CCSER1: variants seen among roughly 807,000 people sequenced by gnomAD.
The protein encoded by CCSER1 is serine-rich coiled-coil domain-containing protein 1.
A neutral mutation model predicts 82.0 loss-of-function variants in CCSER1; 41 were observed. The ratio of observed to expected loss-of-function variants is 0.50; its 90% CI spans 0.39 to 0.65. The LOEUF is 0.65. Among genes scored for constraint, CCSER1 ranks in the 30% least tolerant of loss-of-function variants. The pLI, the probability that CCSER1 is intolerant of heterozygous loss-of-function variation, is 0.00. For missense variants in CCSER1, 1,119 were observed against 1,064.2 expected, an observed-to-expected ratio of 1.05 and a Z score of -0.72; for synonymous variants, 414 against 383.9, an observed-to-expected ratio of 1.08 and a Z score of -0.92.
chr4:90,238,569 G>A (rs1481442486), intron 1 of CCSER1, among the ~76,000 whole-genome samples: 1 of 152,056 alleles, frequency 6.6e-6, no homozygotes, highest in Non-Finnish European at 1.5e-5. Flanking sequence ...CTACTGTCAG[G>A]TGATACTGCC....
At chr4:90,444,340 G>A (rs1287525761) in intron 4 of CCSER1, among the ~76,000 whole-genome samples, 4 of 151,988 alleles carry the variant, frequency 2.6e-5, no homozygotes, top group Admixed American at 6.6e-5. Flanking sequence ...AGATAAGTAA[G>A]GGGGAAGCTA....
intron 7 of CCSER1, among the ~76,000 whole-genome samples, chr4:90,812,459 A>T (rs1758477599): frequency 6.6e-6 from 1 of 152,230 alleles, no homozygotes; most frequent in Admixed American, 6.5e-5. Context: ...TTGGGTGTAC[A>T]TGCAGAGTGA....
chr4:91,072,211 A>G (rs954705697), intron 9 of CCSER1, among the ~76,000 whole-genome samples: 2 of 152,152 alleles, frequency 1.3e-5, no homozygotes, highest in African/African-American at 4.8e-5. Flanking sequence ...CTAGTTTAAT[A>G]TTTTAGTTAG....
intron 10 of CCSER1, among the ~76,000 whole-genome samples, chr4:91,446,210 C>CA (rs1755543928): frequency 1.3e-5 from 2 of 151,812 alleles, no homozygotes; most frequent in African/African-American, 2.4e-5. Flanking sequence ...ATTCCTCATA[C>CA]TTTTTTGCCA....
intron 1 of CCSER1, among the ~76,000 whole-genome samples, chr4:90,240,842 T>C (rs1746699150): frequency 6.6e-6 from 1 of 152,206 alleles, no homozygotes; most frequent in Middle Eastern, 3.2e-3. Context: ...ATCTTAGGCC[T>C]GTGCTTATTT....
chr4:91,399,513 A>G (rs1752194342), intron 10 of CCSER1, among the ~76,000 whole-genome samples: 1 of 152,096 alleles, frequency 6.6e-6, no homozygotes, highest in East Asian at 1.9e-4. Context: ...CAATTCCTCT[A>G]ACCACTGAAC....
intron 9 of CCSER1, among the ~76,000 whole-genome samples, chr4:91,034,987 G>A (rs1012396873): frequency 9.2e-5 from 14 of 152,100 alleles, no homozygotes; most frequent in African/African-American, 3.4e-4. Flanking sequence ...ACACATGTAT[G>A]TGCATGCATT....
chr4:90,839,102 A>T, intron 8 of CCSER1: 2 of 1,214,574 alleles, frequency 1.6e-6, no homozygotes, highest in Non-Finnish European at 1.2e-6. Flanking sequence ...CGCAGTGGCC[A>T]CCACCGAGTT....
chr4:91,081,855 A>T (rs559086473), intron 9 of CCSER1, among the ~76,000 whole-genome samples: 93 of 152,302 alleles, frequency 6.1e-4, no homozygotes, highest in Non-Finnish European at 1.2e-3. Flanking sequence ...CCAACTTACA[A>T]GGGACGTGAA....
At chr4:91,065,517 A>T (rs1415687232) in intron 9 of CCSER1, among the ~76,000 whole-genome samples, 1 of 152,172 alleles carries the variant, frequency 6.6e-6, no homozygotes, top group East Asian at 1.9e-4. Context: ...ATCAAAAAAA[A>T]TCCCATTGGA....
chr4:91,463,519 C>G (rs1396824644), intron 10 of CCSER1, among the ~76,000 whole-genome samples: 1 of 152,168 alleles, frequency 6.6e-6, no homozygotes, highest in Non-Finnish European at 1.5e-5. Context: ...ATGACTTTGA[C>G]GAGTTGAGAG....
chr4:91,121,122 C>CT lies in CCSER1; in HGVS notation c.2217+35139dup, dbSNP rs33964627. On this transcript the variant is annotated intron_variant, in intron 10 of 10. Transcript: ENST00000509176. ...TGTTACATAAACTGTTTGCTGACAT[C>CT]TTTTTTTTTTTCTCATGTGGGGATT... 4.1e-3 allele frequency among the ~76,000 whole-genome samples: 613 copies of CT among 148,562 alleles called. 5 individuals are homozygous for CT. The highest frequency in any genetic ancestry group is 0.014 in the African/African-American group (564 of 40,700).
intron 7 of CCSER1, among the ~76,000 whole-genome samples, chr4:90,791,664 C>T (rs1302768173): frequency 1.3e-5 from 2 of 152,060 alleles, no homozygotes; most frequent in African/African-American, 4.8e-5. Context: ...TCCTGGCTAA[C>T]ACAGTGAAAC....
intron 5 of CCSER1, among the ~76,000 whole-genome samples, chr4:90,604,608 A>G (rs1784401288): frequency 6.6e-6 from 1 of 152,206 alleles, no homozygotes; most frequent in Non-Finnish European, 1.5e-5. Context: ...TCCGGGATCC[A>G]CTAGGCAAAG....
At chr4:90,448,162 G>C (rs1036061678) in intron 4 of CCSER1, among the ~76,000 whole-genome samples, 2 of 151,770 alleles carry the variant, frequency 1.3e-5, no homozygotes, top group African/African-American at 4.8e-5. Flanking sequence ...CTGGACTCTA[G>C]GATATCAGAT....
At chr4:90,949,454 G>A (rs58387923) in intron 9 of CCSER1, among the ~76,000 whole-genome samples, 1 of 152,086 alleles carries the variant, frequency 6.6e-6, no homozygotes, top group Non-Finnish European at 1.5e-5. Flanking sequence ...AAATAGGAGT[G>A]TGTAGGGTGT....
intron 10 of CCSER1, among the ~76,000 whole-genome samples, chr4:91,229,107 C>T (rs960941421): frequency 3.3e-5 from 5 of 152,016 alleles, no homozygotes; most frequent in African/African-American, 1.2e-4. Context: ...GCAGTATGAG[C>T]AGCATGCAGC....
intron 3 of CCSER1, among the ~76,000 whole-genome samples, chr4:90,350,687 C>T (rs1743266634): frequency 1.3e-5 from 2 of 151,984 alleles, no homozygotes; most frequent in Admixed American, 6.6e-5. Context: ...TTTATAATGG[C>T]ACCAAATATA....
chr4:90,840,538 G>A (rs1410580036), intron 8 of CCSER1, among the ~76,000 whole-genome samples: 2 of 152,146 alleles, frequency 1.3e-5, no homozygotes, highest in Admixed American at 1.3e-4. Flanking sequence ...ATGAACTGAA[G>A]TAGACCGCCC....
Sources: gnomAD v4.1 joint callset for allele counts (sites outside exome capture counted in the v4.1 genomes callset) on GRCh38, gnomAD v4.1.1 for gene constraint, MANE v1.5 for transcripts, NCBI Gene and HGNC (gene_info 2026-07-23, HGNC 2026-07-21) for gene names.